Variants in CIAPIN1 observed in about 807,000 individuals in gnomAD.
CIAPIN1 encodes anamorsin.
Under a neutral mutation model 34.3 loss-of-function variants are expected in CIAPIN1, and 18 were observed. That is an observed-to-expected ratio of 0.52 (90% CI 0.36 to 0.78). The LOEUF (loss-of-function observed/expected upper bound fraction) is 0.78. Ranked by LOEUF, CIAPIN1 falls within the 30% of genes least tolerant of loss-of-function variation. CIAPIN1 has a pLI of 0.00. For synonymous variants in CIAPIN1, 131 were observed against 140.4 expected (o/e 0.93, Z 0.47); for missense variants, 310 against 372.5 (o/e 0.83, Z 1.38).
At chr16:57,431,089 G>A (rs559986885) in intron 7 of CIAPIN1, 62 bp downstream of exon 7, 127 of 938,916 alleles carry the variant, frequency 1.4e-4, no homozygotes, top group Admixed American at 6.5e-4. Context: ...ACAGCACCGC[G>A]ATGTCTTCAG....
chr16:57,432,529 C>T lies in CIAPIN1; in HGVS notation c.588G>A (p.Lys196=). 6.2e-7 allele frequency: 1 copy of T among 1,613,300 alleles called. No individual in the cohort carries two copies. The highest frequency in any genetic ancestry group is 2.2e-5 in the East Asian group (1 of 44,876). Residue 196 remains lysine, a synonymous_variant, in exon 6 of 9, where the codon AAG becomes AAA. Transcript: ENST00000394391. ...VKPAVDPAAA[K]LWTLSANDME... is the part of the protein sequence containing the mutation. ...TATCGTTGGCTGAGAGGGTCCACAG[C>T]TTGGCAGCAGCAGGGTCCACAGCAG... is the stretch of plus-strand genomic sequence containing the variant.
intron 4 of CIAPIN1, among the ~76,000 whole-genome samples, chr16:57,435,652 G>A (rs538702145): frequency 6.6e-6 from 1 of 152,238 alleles, no homozygotes; most frequent in East Asian, 1.9e-4. Context: ...AAATTAGCCA[G>A]GTGTGGTGGC....
At position 57,428,696 on chromosome 16, in the gene CIAPIN1, C is replaced by T. The variant is rs1380966009; in HGVS notation, c.*474G>A. 8 of 153,384 alleles carry T rather than the reference C, an allele frequency of 5.2e-5. No homozygotes were observed. Among genetic ancestry groups the T allele is most frequent in the Admixed American group, 4.5e-4 (7 of 15,408 alleles). The allele number at this position is 153,384 out of a possible 1,614,324, so 9.5% of individuals were successfully genotyped here. A position where few individuals can be genotyped will look rare whatever the true frequency, so the allele number is the denominator to read the frequency against. ...TCACAGCAACCAGTGAGTGAGTCCT[C>T]TGGTGCCCTGAGGAGGTTGTGAGCC... On this transcript the variant is annotated 3_prime_UTR_variant, in exon 9 of 9. Coordinates refer to ENST00000394391, the MANE Select transcript of CIAPIN1 (RefSeq NM_020313.4).
chr16:57,436,238 T>G (rs185850250), intron 4 of CIAPIN1, among the ~76,000 whole-genome samples: 201 of 152,134 alleles, frequency 1.3e-3, no homozygotes, highest in African/African-American at 4.6e-3. Flanking sequence ...TTTTGTTTTG[T>G]TTTTTTTGAG....
intron 4 of CIAPIN1, among the ~76,000 whole-genome samples, chr16:57,435,653 G>A (rs1598024559): frequency 6.6e-6 from 1 of 152,132 alleles, no homozygotes; most frequent in Admixed American, 6.5e-5. Context: ...AATTAGCCAG[G>A]TGTGGTGGCG....
intron 4 of CIAPIN1, among the ~76,000 whole-genome samples, chr16:57,435,261 C>T (rs1476737051): frequency 5.9e-5 from 9 of 152,176 alleles, no homozygotes; most frequent in African/African-American, 1.7e-4. Context: ...CCTTCTGCCA[C>T]GAGTAAAAGT....
At chr16:57,441,788 T>C (rs930161867) in intron 1 of CIAPIN1, among the ~76,000 whole-genome samples, 10 of 152,230 alleles carry the variant, frequency 6.6e-5, no homozygotes, top group African/African-American at 2.2e-4. Flanking sequence ...TAGGTGAGTA[T>C]ATAATATGCT....
intron 8 of CIAPIN1, among the ~76,000 whole-genome samples, chr16:57,429,922 C>A (rs1326488548): frequency 6.6e-6 from 1 of 152,086 alleles, no homozygotes; most frequent in South Asian, 2.1e-4. Flanking sequence ...TGGAATTACA[C>A]ACGTGAGCCA....
intron 3 of CIAPIN1, among the ~76,000 whole-genome samples, chr16:57,438,643 C>T (rs908149247): frequency 1.8e-4 from 27 of 151,772 alleles, no homozygotes; most frequent in African/African-American, 2.7e-4. Context: ...GTAACCACCA[C>T]GACATTCAGA....
At chr16:57,431,803 A>G (rs1322272237) in intron 6 of CIAPIN1, among the ~76,000 whole-genome samples, 3 of 152,240 alleles carry the variant, frequency 2.0e-5, no homozygotes. Flanking sequence ...GTAGAGGTGT[A>G]GAAATGAAGA....
At position 57,433,920 on chromosome 16, in the gene CIAPIN1, G is replaced by C. The variant is rs186954113; in HGVS notation, c.556+124C>G. 1.9e-4 allele frequency: 171 copies of C among 887,238 alleles called. 1 individual carries two copies. Among genetic ancestry groups the C allele is most frequent in the Admixed American group, 1.5e-3 (75 of 50,190 alleles). The allele number at this position is 887,238 out of a possible 1,614,324, so 55.0% of individuals were successfully genotyped here. On this transcript the variant is annotated intron_variant, in intron 5 of 8. Coordinates refer to ENST00000394391, the MANE Select transcript of CIAPIN1 (RefSeq NM_020313.4). ...AGTACATTAAGTATTCTTCTTTGTG[G>C]AAATGGCAGAAATCAAAGGACTAAT...
intron 8 of CIAPIN1, 48 bp from the exon 9 acceptor site, chr16:57,429,328 AC>A: frequency 7.7e-7 from 1 of 1,291,278 alleles, no homozygotes; most frequent in Non-Finnish European, 1.1e-6. Flanking sequence ...TCCCAGGCAT[AC>A]CAGCCAGAAG....
At chr16:57,445,290 T>C (rs1237276651) in intron 1 of CIAPIN1, among the ~76,000 whole-genome samples, 3 of 152,148 alleles carry the variant, frequency 2.0e-5, no homozygotes, top group African/African-American at 7.2e-5. Flanking sequence ...GTGGATCACC[T>C]GAGGTCAGGA....
chr16:57,445,472 C>T (rs1178810580), intron 1 of CIAPIN1, among the ~76,000 whole-genome samples: 1 of 152,112 alleles, frequency 6.6e-6, no homozygotes, highest in African/African-American at 2.4e-5. Flanking sequence ...CTTGCCACTG[C>T]ACTCCAGCCA....
intron 5 of CIAPIN1, 118 bp downstream of exon 5, chr16:57,433,926 G>T: frequency 3.2e-6 from 3 of 927,000 alleles, no homozygotes; most frequent in Non-Finnish European, 3.5e-6. Flanking sequence ...TGTGGAAATG[G>T]CAGAAATCAA....
chr16:57,443,188 T>A (rs1309669480), intron 1 of CIAPIN1, among the ~76,000 whole-genome samples: 42 of 150,716 alleles, frequency 2.8e-4, no homozygotes, highest in African/African-American at 1.0e-3. Context: ...ACTCTTGTTG[T>A]CCAGGCTGGA....
intron 5 of CIAPIN1, chr16:57,433,532 T>TGC (rs376638566): frequency 1.7e-5 from 3 of 171,794 alleles, no homozygotes; most frequent in African/African-American, 7.3e-5. Context: ...GCTGTGTGTG[T>TGC]GTGTGTGTGT....
chr16:57,439,990 G>A (rs756525211), intron 2 of CIAPIN1, among the ~76,000 whole-genome samples: 9 of 152,188 alleles, frequency 5.9e-5, no homozygotes, highest in South Asian at 2.1e-4. Flanking sequence ...AGAGCCAGGC[G>A]GAACAGAGCC....
Position 57,431,279 on chromosome 16 carries a change from C to T in CIAPIN1, c.631-13G>A, listed in dbSNP as rs369305912. ...AGTCAATGAGATCCTGGAGAGTGTT[C>T]AAAGCAATGAGTGATACAGTCGTGG... is the stretch of plus-strand genomic sequence containing the variant. On this transcript the variant is annotated splice_polypyrimidine_tract_variant and intron_variant, in intron 6 of 8. Coordinates refer to ENST00000394391, the MANE Select transcript of CIAPIN1 (RefSeq NM_020313.4). 2.6e-6 allele frequency: 4 copies of T among 1,561,252 alleles called. No individual in the cohort carries two copies. The highest frequency in any genetic ancestry group is 3.5e-6 in the Non-Finnish European group (4 of 1,132,600).
Sources: allele counts gnomAD v4.1 joint callset (sites outside exome capture counted in the v4.1 genomes callset), GRCh38; gene constraint gnomAD v4.1.1; transcripts MANE v1.5; gene names NCBI Gene and HGNC (gene_info 2026-07-23, HGNC 2026-07-21).